Variants in GLIPR1L2 observed in about 807,000 individuals in gnomAD.
The protein encoded by GLIPR1L2 is GLIPR1-like protein 2.
In GLIPR1L2, 21 loss-of-function variants were observed where a neutral mutation model predicts 28.4. The observed-to-expected ratio is 0.74, with a 90% CI of 0.52 to 1.06. GLIPR1L2 has a LOEUF of 1.06. Among genes scored for constraint, GLIPR1L2 ranks in the 50% least tolerant of loss-of-function variants. The pLI, the probability that GLIPR1L2 is intolerant of heterozygous loss-of-function variation, is 0.00. For missense variants in GLIPR1L2, 476 were observed against 416.9 expected (o/e 1.14, Z -1.23); for synonymous variants, 145 against 139.3 (o/e 1.04, Z -0.29).
At chr12:75,411,757 T>C (rs896477824) in intron 2 of GLIPR1L2, among the ~76,000 whole-genome samples, 2 of 152,032 alleles carry the variant, frequency 1.3e-5, no homozygotes, top group Non-Finnish European at 2.9e-5. Context: ...TTAATGTGTC[T>C]CTTTATTTCT....
At chr12:75,403,500 G>C (rs897867753) in intron 1 of GLIPR1L2, among the ~76,000 whole-genome samples, 2 of 151,956 alleles carry the variant, frequency 1.3e-5, no homozygotes, top group African/African-American at 4.8e-5. Context: ...ACTAACCCCC[G>C]TCCCGTTTTT....
At chr12:75,404,088 C>A (rs2139930920) in intron 1 of GLIPR1L2, among the ~76,000 whole-genome samples, 1 of 152,226 alleles carries the variant, frequency 6.6e-6, no homozygotes, top group Non-Finnish European at 1.5e-5. Flanking sequence ...CTTGTTACTT[C>A]TGTTAAAAAC....
intron 1 of GLIPR1L2, among the ~76,000 whole-genome samples, chr12:75,398,202 G>A (rs2045701542): frequency 6.6e-6 from 1 of 151,464 alleles, no homozygotes; most frequent in African/African-American, 2.4e-5. Flanking sequence ...TGTGGCAGGC[G>A]CCTGTAATCC....
intron 4 of GLIPR1L2, among the ~76,000 whole-genome samples, chr12:75,429,940 T>C (rs1216813050): frequency 4.9e-5 from 7 of 141,658 alleles, no homozygotes; most frequent in Non-Finnish European, 7.6e-5. Context: ...TTTTCTTTCT[T>C]TTTTTTTTTT....
In GLIPR1L2 at chr12:75,421,066, G is replaced by A. The variant is rs533704775; in HGVS notation, c.585-1838G>A. On this transcript the variant is annotated intron_variant, in intron 3 of 5. Transcript: ENST00000550916. ...TTTATAGTGAGTAGCTTTTTACTTA[G>A]GTATAAGGACAGAGGTCCCCCATCC... Among the ~76,000 whole-genome samples, 11 of 152,200 alleles carry A rather than the reference G, an allele frequency of 7.2e-5. 1 individual carries two copies. In the South Asian group the frequency reaches 1.5e-3, roughly 20 times the overall value.
At chr12:75,421,994 T>TTTCTTTAC (rs1218102695) in intron 3 of GLIPR1L2, among the ~76,000 whole-genome samples, 1 of 151,746 alleles carries the variant, frequency 6.6e-6, no homozygotes, top group Non-Finnish European at 1.5e-5. Context: ...TATTTCTTTA[T>TTTCTTTAC]TTCTTTATTT....
chr12:75,415,209 T>A (rs180929168), intron 3 of GLIPR1L2, among the ~76,000 whole-genome samples: 2 of 152,230 alleles, frequency 1.3e-5, no homozygotes, highest in Admixed American at 6.5e-5. Context: ...ACATACATTA[T>A]GTTAAAGATT....
At chr12:75,400,296 T>C (rs2045726227) in intron 1 of GLIPR1L2, among the ~76,000 whole-genome samples, 1 of 151,914 alleles carries the variant, frequency 6.6e-6, no homozygotes, top group South Asian at 2.1e-4. Context: ...TTTTTTTTTG[T>C]ATTTTTTTTA....
In GLIPR1L2 at chr12:75,409,279, A is replaced by G. The variant is rs756374749; in HGVS notation, c.235-1155A>G. 1.1e-4 allele frequency among the ~76,000 whole-genome samples: 16 copies of G among 151,908 alleles called. 1 individual carries two copies. The highest frequency in any genetic ancestry group is 5.9e-4 in the Admixed American group (9 of 15,220). On this transcript the variant is annotated intron_variant, in intron 1 of 5. Transcript: ENST00000550916. ...TATGAGTATTGATTTTCAGATGTTT[A>G]CTTTCTGATACACTGTAACATATGT...
intron 4 of GLIPR1L2, among the ~76,000 whole-genome samples, chr12:75,427,547 G>C (rs1262842348): frequency 6.6e-6 from 1 of 152,172 alleles, no homozygotes; most frequent in Non-Finnish European, 1.5e-5. Context: ...AAAGTTCTTT[G>C]TTGCTATTGG....
chr12:75,407,900 T>C (rs572049808), intron 1 of GLIPR1L2, among the ~76,000 whole-genome samples: 16 of 152,202 alleles, frequency 1.1e-4, no homozygotes, highest in Non-Finnish European at 1.9e-4. Context: ...CATTGACACA[T>C]GTATGAGAGT....
In GLIPR1L2 at chr12:75,393,395, A is replaced by G. The variant is rs551954242; in HGVS notation, c.234+2045A>G. ...TCCATACCCATCAAATAATTACTTT[A>G]CTCTCCATCTCCCCTCCTCCCAGGC... On this transcript the variant is annotated intron_variant, in intron 1 of 5. Transcript: ENST00000550916. Among the ~76,000 whole-genome samples the G allele has an allele frequency of 3.3e-5, 5 of 151,790 alleles. No homozygotes were observed. The South Asian group carries it at 1.0e-3, about 31-fold the overall frequency.
intron 4 of GLIPR1L2, among the ~76,000 whole-genome samples, chr12:75,429,281 G>T (rs1230746145): frequency 6.6e-6 from 1 of 152,206 alleles, no homozygotes; most frequent in East Asian, 1.9e-4. Flanking sequence ...TGGAGCCAAA[G>T]GAGATTATTT....
chr12:75,423,113 T>C (rs1417640556), intron 4 of GLIPR1L2, 124 bp downstream of exon 4: 3 of 1,568,164 alleles, frequency 1.9e-6, no homozygotes, highest in East Asian at 2.3e-5. Flanking sequence ...GCTACTATTA[T>C]GTTATCAAAG....
chr12:75,412,073 G>C (rs187761011), intron 2 of GLIPR1L2, among the ~76,000 whole-genome samples: 33 of 152,038 alleles, frequency 2.2e-4, no homozygotes, highest in Non-Finnish European at 4.1e-4. Context: ...AAGGAGAAAT[G>C]CCAATAGCAT....
chr12:75,391,153 G>A lies in GLIPR1L2; in HGVS notation c.37G>A (p.Ala13Thr), dbSNP rs755932910. Reference sequence around the variant, plus strand: ...AAGGCCCTTCGCCCGGGAGTGGAGGGCCCAGTCCCTACCCCTGGCAGTAGG... The same window carrying A: ...AAGGCCCTTCGCCCGGGAGTGGAGGACCCAGTCCCTACCCCTGGCAGTAGG... ...AARPFAREWR[A>T]QSLPLAVGGV... Residue 13 changes from alanine (A) to threonine (T), a missense_variant, in exon 1 of 6, where the codon GCC becomes ACC. Transcript: ENST00000550916. 27 of 1,613,950 alleles carry A rather than the reference G, an allele frequency of 1.7e-5. No homozygotes were observed. The highest frequency in any genetic ancestry group is 2.2e-5 in the Non-Finnish European group (26 of 1,179,992).
In GLIPR1L2 at chr12:75,431,177, G is replaced by A. The variant is rs1273420923; in HGVS notation, c.*16G>A. Reference sequence around the variant, plus strand: ...GGAAAAATAAGAGTAGAAAGAGGAGGAAAAAGATGTATCACCAATATAAAC... The same window carrying A: ...GGAAAAATAAGAGTAGAAAGAGGAGAAAAAAGATGTATCACCAATATAAAC... On this transcript the variant is annotated 3_prime_UTR_variant, in exon 6 of 6. Transcript: ENST00000550916. 105 of 543,584 alleles carry A rather than the reference G, an allele frequency of 1.9e-4. No homozygotes were observed. The highest frequency in any genetic ancestry group is 5.7e-4 in the South Asian group (19 of 33,396). 33.7% of individuals were successfully genotyped at this position (543,584 alleles called of 1,614,324 possible).
intron 1 of GLIPR1L2, among the ~76,000 whole-genome samples, chr12:75,407,504 C>A (rs940082341): frequency 2.0e-5 from 3 of 151,958 alleles, no homozygotes; most frequent in African/African-American, 7.3e-5. Context: ...ATAACAGAAG[C>A]AAATTTTCTA....
At position 75,430,829 on chromosome 12, in the gene GLIPR1L2, C is replaced by T. The variant is rs765843532; in HGVS notation, c.703C>T (p.Arg235Ter). 2.2e-5 allele frequency: 33 copies of T among 1,532,972 alleles called. No homozygotes were observed. The highest frequency in any genetic ancestry group is 9.8e-5 in the East Asian group (4 of 40,882). The allele number at this position is 1,532,972 out of a possible 1,614,324, so 95.0% of individuals were successfully genotyped here. A position where few individuals can be genotyped will look rare whatever the true frequency, so the allele number is the denominator to read the frequency against. ...AATTGCTTCTTTGTTTACAGATTAC[C>T]GATTTTGGTATCCAAAATGGGAAAT... ...NADRDQATYY[R>*]FWYPKWEMPR... The change falls in exon 6 of 6, where the codon CGA becomes TGA. Residue 235 changes from arginine (R) to a stop codon, truncating the protein, a stop_gained. Coordinates refer to ENST00000550916, the MANE Select transcript of GLIPR1L2 (RefSeq NM_001270396.2). LOFTEE classifies it low-confidence loss of function (END_TRUNC).
Sources: gnomAD v4.1 joint callset for allele counts (sites outside exome capture counted in the v4.1 genomes callset) on GRCh38, gnomAD v4.1.1 for gene constraint, MANE v1.5 for transcripts, NCBI Gene and HGNC (gene_info 2026-07-23, HGNC 2026-07-21) for gene names.